FBRSL1: variants seen among roughly 807,000 people sequenced by gnomAD.
FBRSL1 encodes the protein fibrosin like 1.
In FBRSL1, 51 loss-of-function variants were observed where a neutral mutation model predicts 89.6. The ratio of observed to expected loss-of-function variants is 0.57; its 90% CI spans 0.45 to 0.72. The LOEUF (loss-of-function observed/expected upper bound fraction) is 0.72. Among genes scored for constraint, FBRSL1 ranks in the 30% least tolerant of loss-of-function variants. The probability of loss-of-function intolerance (pLI) is 0.00; values close to 1 mark genes in which losing one functional copy is unlikely to be tolerated. For synonymous variants in FBRSL1, 779 were observed against 681.1 expected (o/e 1.14, Z -2.24); for missense variants, 1,618 against 1,451.8 (o/e 1.11, Z -1.86).
At chr12:132,539,305 G>C (rs1022838159) in intron 4 of FBRSL1, among the ~76,000 whole-genome samples, 1 of 151,268 alleles carries the variant, frequency 6.6e-6, no homozygotes, top group Non-Finnish European at 1.5e-5. Flanking sequence ...CCCATGCCCC[G>C]GCCCTCCAGC....
At chr12:132,548,277 C>T (rs1271967944) in intron 5 of FBRSL1, among the ~76,000 whole-genome samples, 1 of 152,160 alleles carries the variant, frequency 6.6e-6, no homozygotes, top group East Asian at 1.9e-4. Flanking sequence ...CCCAGGTGGG[C>T]ATCAGTGCTG....
intron 4 of FBRSL1, among the ~76,000 whole-genome samples, chr12:132,542,418 G>A (rs952526825): frequency 6.6e-6 from 1 of 152,228 alleles, no homozygotes; most frequent in Non-Finnish European, 1.5e-5. Context: ...GAGGTACCTC[G>A]GGTTGGTGCA....
chr12:132,577,065 C>T (rs2040427025), intron 15 of FBRSL1, 134 bp downstream of exon 15: 6 of 1,253,494 alleles, frequency 4.8e-6, no homozygotes, highest in Non-Finnish European at 6.5e-6. Context: ...ATGCTCACCA[C>T]TTATTCAGGT....
At chr12:132,567,243 A>AG (rs1321694781) in intron 5 of FBRSL1, among the ~76,000 whole-genome samples, 1 of 152,094 alleles carries the variant, frequency 6.6e-6, no homozygotes, top group Non-Finnish European at 1.5e-5. Flanking sequence ...GACCCCCTCT[A>AG]GGAAGCCTGC....
intron 2 of FBRSL1, chr12:132,511,224 G>A (rs558420443): frequency 1.5e-4 from 150 of 975,856 alleles, no homozygotes; most frequent in Admixed American, 7.6e-4. Context: ...CACCACCCCC[G>A]TGGGCATGCA....
Position 132,581,425 on chromosome 12 carries a change from G to A in FBRSL1, c.1835-14G>A. The A allele has an allele frequency of 3.2e-6, 5 of 1,550,830 alleles. No homozygotes were observed. Among genetic ancestry groups the A allele is most frequent in the Non-Finnish European group, 4.4e-6 (5 of 1,146,908 alleles). ...TCTCTCCTGGCTTCTGTCAAACCTG[G>A]CTGCCCCCCCCAGGTGCCGCCCATC... On this transcript the variant is annotated splice_polypyrimidine_tract_variant and intron_variant, in intron 15 of 18. Transcript: ENST00000680143.
At position 132,583,591 on chromosome 12, in the gene FBRSL1, G is replaced by A; in HGVS notation, c.2822G>A (p.Gly941Glu). 1 of 996,260 alleles carries A rather than the reference G, an allele frequency of 1.0e-6. No homozygotes were observed. The highest frequency in any genetic ancestry group is 1.2e-6 in the Non-Finnish European group (1 of 838,150). The allele number at this position is 996,260 out of a possible 1,614,324, so 61.7% of individuals were successfully genotyped here. A position where few individuals can be genotyped will look rare whatever the true frequency, so the allele number is the denominator to read the frequency against. Residue 941 changes from glycine (G) to glutamate (E), a missense_variant, in exon 19 of 19, where the codon GGG becomes GAG. Coordinates refer to ENST00000680143, the MANE Select transcript of FBRSL1 (RefSeq NM_001367871.1). ...CTCTCGCCCGCCGCGCTGCACAATG[G>A]GCTCCTGGCGCGGACCCCGCCCGCC... ...PRLSPAALHN[G>E]LLARTPPAAA...
chr12:132,500,858 GT>G (rs2032850923), intron 1 of FBRSL1, among the ~76,000 whole-genome samples: 2 of 152,216 alleles, frequency 1.3e-5, no homozygotes, highest in South Asian at 4.1e-4. Flanking sequence ...CTGCCGCAGT[GT>G]CCCCCACAGC....
intron 1 of FBRSL1, among the ~76,000 whole-genome samples, chr12:132,501,812 G>A (rs1209373424): frequency 2.6e-5 from 4 of 152,112 alleles, no homozygotes; most frequent in African/African-American, 9.7e-5. Flanking sequence ...AGGAGCTGGC[G>A]GGGAGCAGGA....
intron 7 of FBRSL1, 22 bp from the exon 8 acceptor site, chr12:132,570,313 C>T: frequency 6.6e-7 from 1 of 1,524,414 alleles, no homozygotes; most frequent in Non-Finnish European, 8.8e-7. Context: ...GGCTGGCAGG[C>T]ACTGAGCCCC....
intron 1 of FBRSL1, among the ~76,000 whole-genome samples, chr12:132,507,689 G>A (rs937340930): frequency 2.0e-5 from 3 of 152,152 alleles, no homozygotes; most frequent in African/African-American, 4.8e-5. Flanking sequence ...GGAATATGGT[G>A]TCACCTGGGG....
intron 2 of FBRSL1, chr12:132,512,052 C>G (rs1287941112): frequency 3.1e-6 from 3 of 975,194 alleles, no homozygotes; most frequent in Non-Finnish European, 3.7e-6. Flanking sequence ...TCATTGCACT[C>G]TGACCGAACA....
In FBRSL1 at chr12:132,583,331, T is replaced by C; in HGVS notation, c.2562T>C (p.Pro854=). The C allele has an allele frequency of 8.4e-7, 1 of 1,183,740 alleles. No homozygotes were observed. Among genetic ancestry groups the C allele is most frequent in the South Asian group, 2.5e-5 (1 of 39,690 alleles). 73.3% of individuals were successfully genotyped at this position (1,183,740 alleles called of 1,614,324 possible). A position where few individuals can be genotyped will look rare whatever the true frequency, so the allele number is the denominator to read the frequency against. The change falls in exon 19 of 19, where the codon CCT becomes CCC. Residue 854 remains proline, a synonymous_variant. Transcript: ENST00000680143. ...RLGAPGFAWE[P]FRGLELPRRA... is the part of the protein sequence containing the mutation. ...GCGCGCCGGGCTTCGCGTGGGAGCC[T>C]TTCCGCGGCCTGGAGCTGCCACGTC...
At chr12:132,538,474 G>A (rs924334414) in intron 4 of FBRSL1, among the ~76,000 whole-genome samples, 1 of 152,214 alleles carries the variant, frequency 6.6e-6, no homozygotes, top group African/African-American at 2.4e-5. Flanking sequence ...CACTGAGTGG[G>A]GGCCTCCAGT....
Position 132,490,556 on chromosome 12 carries a change from G to A in FBRSL1, c.-15G>A, listed in dbSNP as rs924442736. ...GGCGTCAAGGTCACCGGCCCGACGGGGCGCACGCGCGGCCATGGAGGCCAA... is the reference window on the plus strand; with the variant it reads ...GGCGTCAAGGTCACCGGCCCGACGGAGCGCACGCGCGGCCATGGAGGCCAA... On this transcript the variant is annotated 5_prime_UTR_variant, in exon 1 of 19. Coordinates refer to ENST00000680143, the MANE Select transcript of FBRSL1 (RefSeq NM_001367871.1). 1.0e-6 allele frequency: 1 copy of A among 981,162 alleles called. No individual in the cohort carries two copies. The highest frequency in any genetic ancestry group is 1.2e-6 in the Non-Finnish European group (1 of 828,526). 60.8% of individuals were successfully genotyped at this position (981,162 alleles called of 1,614,324 possible). A position where few individuals can be genotyped will look rare whatever the true frequency, so the allele number is the denominator to read the frequency against.
rs2040767739 is a variant in FBRSL1 at position 132,581,773 on chromosome 12, C to T, written c.1945C>T (p.Leu649=). The change falls in exon 17 of 19, where the codon CTG becomes TTG. Residue 649 remains leucine (L), a synonymous_variant. Coordinates refer to ENST00000680143, the MANE Select transcript of FBRSL1 (RefSeq NM_001367871.1). The part of the protein sequence containing the change: ...PFSRPSTFGG[L]GSLSSHAFGG... ...CAGCAGACCGAGCACCTTTGGGGGC[C>T]TGGGCAGCCTGAGCAGCCACGCCTT... is the stretch of plus-strand genomic sequence containing the variant. The T allele has an allele frequency of 6.5e-6, 10 of 1,549,484 alleles. No homozygotes were observed. The East Asian group carries it at 2.0e-4, about 30-fold the overall frequency.
In FBRSL1 at chr12:132,582,992, C is replaced by A. The variant is rs1311636244; in HGVS notation, c.2223C>A (p.Arg741=). Reference sequence around the variant, plus strand: ...CCAGGGACCTCCTGGAGAAGACGCGCCTGCTGAGCCGGGCCTCGCCCGCCA... The same window carrying A: ...CCAGGGACCTCCTGGAGAAGACGCGACTGCTGAGCCGGGCCTCGCCCGCCA... ...EQERDLLEKT[R]LLSRASPATP... is the part of the protein sequence containing the mutation. The change falls in exon 19 of 19, where the codon CGC becomes CGA. Residue 741 remains arginine, a synonymous_variant. Coordinates refer to ENST00000680143, the MANE Select transcript of FBRSL1 (RefSeq NM_001367871.1). The A allele has an allele frequency of 1.4e-6, 2 of 1,448,410 alleles. No homozygotes were observed. The highest frequency in any genetic ancestry group is 1.8e-6 in the Non-Finnish European group (2 of 1,108,592). The allele number at this position is 1,448,410 out of a possible 1,614,324, so 89.7% of individuals were successfully genotyped here.
intron 5 of FBRSL1, among the ~76,000 whole-genome samples, chr12:132,562,245 A>G (rs963408254): frequency 6.6e-6 from 1 of 151,670 alleles, no homozygotes; most frequent in Non-Finnish European, 1.5e-5. Flanking sequence ...ACATGCCCCA[A>G]CCTCCAGGCC....
intron 5 of FBRSL1, among the ~76,000 whole-genome samples, chr12:132,559,889 C>T (rs1449071325): frequency 1.3e-5 from 2 of 150,288 alleles, no homozygotes; most frequent in Non-Finnish European, 3.0e-5. Context: ...GCGGGTGGAT[C>T]GGCGCCTCGG....
Sources: gnomAD v4.1 joint callset for allele counts (sites outside exome capture counted in the v4.1 genomes callset) on GRCh38, gnomAD v4.1.1 for gene constraint, MANE v1.5 for transcripts, NCBI Gene and HGNC (gene_info 2026-07-23, HGNC 2026-07-21) for gene names.